FGF13: variants seen among roughly 807,000 people sequenced by gnomAD.
FGF13 encodes fibroblast growth factor homologous factor 2.
A neutral mutation model predicts 19.5 loss-of-function variants in FGF13; 2 were observed. That is an observed-to-expected ratio of 0.10 (90% CI 0.04 to 0.32). FGF13 has a LOEUF of 0.32. Among genes scored for constraint, FGF13 ranks in the 10% least tolerant of loss-of-function variants. FGF13 has a pLI of 1.00. For missense variants in FGF13, 113 were observed against 192.7 expected (o/e 0.59, Z 2.45); for synonymous variants, 72 against 76.9 (o/e 0.94, Z 0.33).
chrX:139,185,501 T>C (rs915164563), intron 1 of FGF13, among the ~76,000 whole-genome samples: 1 of 112,020 alleles, frequency 8.9e-6, no homozygotes, highest in African/African-American at 3.2e-5. Flanking sequence ...TTACATTTGA[T>C]GTTCTGAAAC....
At chrX:139,054,186 G>A (rs1217715547) in intron 1 of FGF13, among the ~76,000 whole-genome samples, 4 of 90,131 alleles carry the variant, frequency 4.4e-5, no homozygotes, top group African/African-American at 4.3e-5. Context: ...GCAGTGGCGC[G>A]ATCTCGGCTC....
intron 1 of FGF13, among the ~76,000 whole-genome samples, chrX:139,046,885 C>A (rs181829140): frequency 0.01 from 1,133 of 111,754 alleles, 6 homozygotes; most frequent in Non-Finnish European, 0.014. Context: ...TGCATGGCCC[C>A]CTCTACTACA....
At chrX:138,713,454 C>A (rs1212433543), upstream of FGF13, among the ~76,000 whole-genome samples, 1 of 111,693 alleles carries the variant, frequency 9.0e-6, no homozygotes, top group Non-Finnish European at 1.9e-5. Context: ...TACAAGGTCT[C>A]TGCTTATTCT....
At chrX:138,685,009 G>A (rs1181340840) in intron 3 of FGF13, among the ~76,000 whole-genome samples, 1 of 111,863 alleles carries the variant, frequency 8.9e-6, no homozygotes, top group East Asian at 2.8e-4. Flanking sequence ...ACACCTGAAA[G>A]GAAAATGAAC....
intron 1 of FGF13, among the ~76,000 whole-genome samples, chrX:139,169,462 C>CTGCT (rs1283280915): frequency 9.1e-6 from 1 of 110,019 alleles, no homozygotes; most frequent in African/African-American, 3.3e-5. Context: ...CTTTTATCCC[C>CTGCT]TGCTTGCTTG....
chrX:139,070,202 A>G (rs2092372040), intron 1 of FGF13, among the ~76,000 whole-genome samples: 1 of 111,886 alleles, frequency 8.9e-6, no homozygotes, highest in Non-Finnish European at 1.9e-5. Flanking sequence ...GCAACCTACA[A>G]TGGGAGAAAA....
In FGF13 at chrX:139,061,696, G is replaced by T. The variant is rs1383478904; in HGVS notation, c.-113+141720C>A. 2.7e-5 allele frequency among the ~76,000 whole-genome samples: 3 copies of T among 111,277 alleles called. No homozygotes were observed. The Admixed American group carries it at 2.9e-4, about 11-fold the overall frequency. ...AGATGCACAACCAACAGGGTACAAG[G>T]GTTCCCTTTTGCCCATATCCTTGCC... On this transcript the variant is annotated intron_variant, in intron 1 of 2. Transcript: ENST00000421460.
intron 1 of FGF13, among the ~76,000 whole-genome samples, chrX:139,181,169 T>C (rs2084234964): frequency 1.8e-5 from 2 of 112,151 alleles, no homozygotes; most frequent in African/African-American, 3.2e-5. Context: ...AAATCACTAG[T>C]CCTTTAATAG....
chrX:139,200,756 A>C (rs2148283643), intron 1 of FGF13, among the ~76,000 whole-genome samples: 1 of 112,614 alleles, frequency 8.9e-6, no homozygotes, highest in South Asian at 3.7e-4. Flanking sequence ...TACTTAATCC[A>C]AAAAAGATTT....
chrX:139,184,586 CAT>C (rs1603233655), intron 1 of FGF13, among the ~76,000 whole-genome samples: 1 of 110,944 alleles, frequency 9.0e-6, no homozygotes, highest in African/African-American at 3.3e-5. Context: ...CAGCAGATAA[CAT>C]ATCTTTTTTA....
At chrX:138,964,652 C>A (rs2091887885) in intron 1 of FGF13, among the ~76,000 whole-genome samples, 1 of 111,602 alleles carries the variant, frequency 9.0e-6, no homozygotes, top group South Asian at 3.8e-4. Flanking sequence ...AAGCGTAGTG[C>A]CAGCATCTGA....
intron 1 of FGF13, among the ~76,000 whole-genome samples, chrX:139,163,179 T>C (rs2084050029): frequency 8.9e-6 from 1 of 112,226 alleles, no homozygotes; most frequent in Non-Finnish European, 1.9e-5. Context: ...AAAGAAAATG[T>C]GGCACATATA....
intron 1 of FGF13, among the ~76,000 whole-genome samples, chrX:138,973,030 ATTTCT>A (rs1168298270): frequency 9.1e-6 from 1 of 110,263 alleles, no homozygotes; most frequent in Non-Finnish European, 1.9e-5. Context: ...GATATTTAGT[ATTTCT>A]TTTCTTCTAC....
At chrX:138,725,655 A>G (rs751234498) in intron 1 of FGF13, among the ~76,000 whole-genome samples, 26 of 111,623 alleles carry the variant, frequency 2.3e-4, no homozygotes, top group Non-Finnish European at 4.7e-4. Flanking sequence ...GGTGTTCATG[A>G]TTGCAGTAGA....
At chrX:139,159,537 T>C (rs2084009569) in intron 1 of FGF13, among the ~76,000 whole-genome samples, 1 of 109,239 alleles carries the variant, frequency 9.2e-6, no homozygotes, top group African/African-American at 3.4e-5. Context: ...GACTGGCAAA[T>C]TGGATAAAGA....
intron 1 of FGF13, among the ~76,000 whole-genome samples, chrX:138,998,420 C>T (rs145925895): frequency 0.012 from 1,326 of 109,981 alleles, 7 homozygotes; most frequent in Non-Finnish European, 0.017. Context: ...AGTTGGTGTG[C>T]TGTATTCAGT....
chrX:139,175,680 C>T (rs146395099), intron 1 of FGF13, among the ~76,000 whole-genome samples: 4,384 of 111,832 alleles, frequency 0.039, 191 homozygotes, highest in African/African-American at 0.12. Context: ...GTCACTGGTT[C>T]TGTTTATGTG....
rs1360304758 is a variant in FGF13 at position 138,621,271 on chromosome X, C to CAA, written c.*11577_*11578dup. 2.7e-5 allele frequency: 3 copies of CAA among 111,413 alleles called. No individual in the cohort carries two copies. The highest frequency in any genetic ancestry group is 5.7e-5 in the Non-Finnish European group (3 of 52,974). The allele number at this position is 111,413 out of a possible 1,213,427, so 9.2% of individuals were successfully genotyped here. ...AAAACTAAGAAGATTGAAATCATAC[C>CAA]AAATATCTTTTCTGACCACAATGCT... On this transcript the variant is annotated 3_prime_UTR_variant, in exon 5 of 5. Coordinates refer to ENST00000315930, the MANE Select transcript of FGF13 (RefSeq NM_004114.5).
At chrX:139,160,175 G>A (rs948808646) in intron 1 of FGF13, among the ~76,000 whole-genome samples, 10 of 112,076 alleles carry the variant, frequency 8.9e-5, no homozygotes, top group African/African-American at 3.2e-4. Context: ...TAAAACTCAG[G>A]ATTAAGAAAC....
Sources: allele counts gnomAD v4.1 joint callset (sites outside exome capture counted in the v4.1 genomes callset), GRCh38; gene constraint gnomAD v4.1.1; transcripts MANE v1.5; gene names NCBI Gene and HGNC (gene_info 2026-07-23, HGNC 2026-07-21).